DNAH6: variants seen among roughly 807,000 people sequenced by gnomAD.
DNAH6 encodes dynein axonemal heavy chain 6, also known as axonemal beta dynein heavy chain 6.
A neutral mutation model predicts 491.4 loss-of-function variants in DNAH6; 340 were observed. The ratio of observed to expected loss-of-function variants is 0.69; its 90% CI spans 0.63 to 0.76. The LOEUF is 0.76. Among genes scored for constraint, DNAH6 ranks in the 30% least tolerant of loss-of-function variants. The probability of loss-of-function intolerance (pLI) is 0.00; values close to 1 mark genes in which losing one functional copy is unlikely to be tolerated. For missense variants in DNAH6, 4,443 were observed against 4,972.2 expected, an observed-to-expected ratio of 0.89 and a Z score of 3.20; for synonymous variants, 1,603 against 1,686.1, an observed-to-expected ratio of 0.95 and a Z score of 1.21.
intron 71 of DNAH6, among the ~76,000 whole-genome samples, chr2:84,807,805 C>T (rs1294500578): frequency 6.6e-6 from 1 of 152,266 alleles, no homozygotes; most frequent in East Asian, 1.9e-4. Flanking sequence ...ACCTTTCAAA[C>T]CCCTCATCAA....
chr2:84,498,832 T>C, the DNAH6 span, among the ~76,000 whole-genome samples: 1 of 152,154 alleles, frequency 6.6e-6, no homozygotes, highest in East Asian at 1.9e-4. Context: ...GGGTTAGCTG[T>C]CAAATGGTAA....
At chr2:84,741,894 G>A (rs183425805) in intron 62 of DNAH6, among the ~76,000 whole-genome samples, 1 of 152,310 alleles carries the variant, frequency 6.6e-6, no homozygotes, top group African/African-American at 2.4e-5. Context: ...TTCTCCTGTA[G>A]CCAAGATCTT....
rs1322059993 is a variant in DNAH6, at chr2:84,557,786, C to T, written c.1654C>T (p.Pro552Ser). 6.2e-7 allele frequency: 1 copy of T among 1,608,800 alleles called. No homozygotes were observed. The highest frequency in any genetic ancestry group is 1.3e-5 in the African/African-American group (1 of 74,420). ...CTGTCAAAACACTGTGTTATCAGTT[C>T]CTAATCTCGTGCCTGATTCGTATTT... ...NHCQNTVLSV[P>S]NLVPDSYFDA... Residue 552 changes from proline (P) to serine (S), a missense_variant, in exon 11 of 77, where the codon CCT becomes TCT. Pro to Ser is a moderately conservative substitution (Grantham distance 74). Transcript: ENST00000389394.
intron 62 of DNAH6, among the ~76,000 whole-genome samples, chr2:84,736,392 T>C (rs1156786566): frequency 6.6e-6 from 1 of 152,172 alleles, no homozygotes; most frequent in Non-Finnish European, 1.5e-5. Context: ...ATGACATTGG[T>C]AATTTGATAG....
intron 22 of DNAH6, 130 bp from the exon 23 acceptor site, chr2:84,616,756 A>G (rs1368791897): frequency 2.1e-6 from 1 of 480,786 alleles, no homozygotes; most frequent in East Asian, 3.6e-5. Flanking sequence ...GCATATTTTT[A>G]TAAGAGTTTT....
chr2:84,477,450 C>G, the DNAH6 span, among the ~76,000 whole-genome samples: 1 of 152,144 alleles, frequency 6.6e-6, no homozygotes, highest in Non-Finnish European at 1.5e-5. Flanking sequence ...TGGCGTTTCT[C>G]TGGTTCACAT....
intron 45 of DNAH6, among the ~76,000 whole-genome samples, chr2:84,693,999 T>C (rs1695131710): frequency 6.6e-6 from 1 of 152,230 alleles, no homozygotes; most frequent in South Asian, 2.1e-4. Flanking sequence ...GATTTTACTT[T>C]ATTCTAAATT....
chr2:84,477,084 G>C, the DNAH6 span, among the ~76,000 whole-genome samples: 1 of 149,366 alleles, frequency 6.7e-6, no homozygotes, highest in Non-Finnish European at 1.5e-5. Flanking sequence ...AAAGGATTGA[G>C]AAAAAGAGTT....
intron 63 of DNAH6, among the ~76,000 whole-genome samples, chr2:84,759,532 C>A (rs1325146773): frequency 6.6e-6 from 1 of 151,642 alleles, no homozygotes; most frequent in Non-Finnish European, 1.5e-5. Context: ...ACAAAAAAAA[C>A]CCAATACCTA....
chr2:84,504,725 A>G, the DNAH6 span, among the ~76,000 whole-genome samples: 8 of 152,316 alleles, frequency 5.3e-5, no homozygotes, highest in Non-Finnish European at 1.0e-4. Context: ...CTATATGTCT[A>G]TTCTTATTAC....
At chr2:84,706,248 G>T (rs910432009) in intron 52 of DNAH6, among the ~76,000 whole-genome samples, 2 of 152,194 alleles carry the variant, frequency 1.3e-5, no homozygotes, top group African/African-American at 4.8e-5. Flanking sequence ...AATATTTTAT[G>T]CATTGCAGGC....
chr2:84,795,230 A>G (rs1300620639), intron 68 of DNAH6, among the ~76,000 whole-genome samples: 4 of 151,368 alleles, frequency 2.6e-5, no homozygotes, highest in Admixed American at 2.6e-4. Flanking sequence ...TGACAAGTTA[A>G]TGGGTGCAGC....
intron 40 of DNAH6, among the ~76,000 whole-genome samples, chr2:84,673,142 C>G (rs140739125): frequency 6.6e-6 from 1 of 152,100 alleles, no homozygotes; most frequent in Admixed American, 6.5e-5. Flanking sequence ...TGAAGGCATG[C>G]ATGCCAAAGC....
the DNAH6 span, among the ~76,000 whole-genome samples, chr2:84,464,598 C>T: frequency 6.6e-6 from 1 of 152,204 alleles, no homozygotes; most frequent in African/African-American, 2.4e-5. Context: ...ATAGTTATTT[C>T]TTCATGATAT....
intron 5 of DNAH6, among the ~76,000 whole-genome samples, chr2:84,546,172 T>C (rs1271249397): frequency 6.6e-6 from 1 of 152,154 alleles, no homozygotes; most frequent in African/African-American, 2.4e-5. Flanking sequence ...CATGGAATCA[T>C]ACAATACACT....
At chr2:84,527,279 C>T (rs532541168) in intron 3 of DNAH6, among the ~76,000 whole-genome samples, 174 of 152,130 alleles carry the variant, frequency 1.1e-3, no homozygotes, top group Non-Finnish European at 1.9e-3. Context: ...TAAATGCTTT[C>T]TTTATTTCCC....
At chr2:84,657,572 T>C (rs1691096751) in intron 35 of DNAH6, among the ~76,000 whole-genome samples, 1 of 152,056 alleles carries the variant, frequency 6.6e-6, no homozygotes, top group Admixed American at 6.6e-5. Flanking sequence ...TTGGCACTAA[T>C]GTAAATTGTG....
At position 84,624,841 on chromosome 2, in the gene DNAH6, A is replaced by G. The variant is rs1348409931; in HGVS notation, c.4354-61A>G. The G allele has an allele frequency of 4.1e-6, 6 of 1,446,622 alleles. No individual in the cohort carries two copies. In the Admixed American group the frequency reaches 7.9e-5, roughly 19 times the overall value. 89.6% of individuals were successfully genotyped at this position (1,446,622 alleles called of 1,614,324 possible). Reference sequence around the variant, plus strand: ...ATAATCCTTCCCCCATAGAGAGGAAATGCCTTAATTTGTGGCCAGAGTTGG... The same window carrying G: ...ATAATCCTTCCCCCATAGAGAGGAAGTGCCTTAATTTGTGGCCAGAGTTGG... On this transcript the variant is annotated intron_variant, in intron 28 of 76. Transcript: ENST00000389394.
intron 22 of DNAH6, 91 bp downstream of exon 22, chr2:84,611,945 C>A: frequency 8.6e-7 from 1 of 1,159,124 alleles, no homozygotes; most frequent in Non-Finnish European, 1.2e-6. Context: ...CTCTGGGAAT[C>A]TAATAACATA....
Sources: gnomAD v4.1 joint callset for allele counts (sites outside exome capture counted in the v4.1 genomes callset) on GRCh38, gnomAD v4.1.1 for gene constraint, MANE v1.5 for transcripts, NCBI Gene and HGNC (gene_info 2026-07-23, HGNC 2026-07-21) for gene names.